Variants in PIK3C2G observed in about 807,000 individuals in gnomAD.
PIK3C2G encodes the protein phosphatidylinositol 3-kinase C2 domain-containing subunit gamma.
In PIK3C2G, 168 loss-of-function variants were observed where a neutral mutation model predicts 181.1. The ratio of observed to expected loss-of-function variants is 0.93; its 90% CI spans 0.82 to 1.05. The LOEUF (loss-of-function observed/expected upper bound fraction) is 1.05. Ranked by LOEUF, PIK3C2G falls within the 50% of genes least tolerant of loss-of-function variation. The pLI is 0.00. For synonymous variants in PIK3C2G, 573 were observed against 592.2 expected, an observed-to-expected ratio of 0.97 and a Z score of 0.47; for missense variants, 1,869 against 1,732.8, an observed-to-expected ratio of 1.08 and a Z score of -1.40.
At chr12:18,656,348 C>T in the PIK3C2G span, among the ~76,000 whole-genome samples, 20 of 152,200 alleles carry the variant, frequency 1.3e-4, no homozygotes, top group East Asian at 3.5e-3. Flanking sequence ...GAGGCTGAGG[C>T]GGGTGGATCA....
chr12:18,344,438 A>C (rs924712990), intron 10 of PIK3C2G, among the ~76,000 whole-genome samples: 5 of 152,158 alleles, frequency 3.3e-5, no homozygotes, highest in African/African-American at 9.6e-5. Flanking sequence ...ACCCTATTCT[A>C]GGTGTTCATA....
At chr12:18,283,710 G>A (rs903960569) in intron 2 of PIK3C2G, among the ~76,000 whole-genome samples, 1 of 152,148 alleles carries the variant, frequency 6.6e-6, no homozygotes, top group Non-Finnish European at 1.5e-5. Flanking sequence ...AAAAGAGGTA[G>A]CACCTCAAAG....
the PIK3C2G span, among the ~76,000 whole-genome samples, chr12:18,711,097 C>T: frequency 1.7e-4 from 26 of 151,838 alleles, no homozygotes; most frequent in African/African-American, 4.8e-4. Context: ...ATGTTTATTG[C>T]GGCACTATTC....
chr12:18,641,540 T>G (rs1241733843), intron 32 of PIK3C2G, among the ~76,000 whole-genome samples: 1 of 152,080 alleles, frequency 6.6e-6, no homozygotes, highest in Non-Finnish European at 1.5e-5. Context: ...TATTTCCATT[T>G]CTCTACCACC....
chr12:18,650,694 G>GTATATATATATATATATA (rs1950427854), downstream of PIK3C2G, among the ~76,000 whole-genome samples: 1 of 38,864 alleles, frequency 2.6e-5, no homozygotes. Flanking sequence ...GTGTGTGTGT[G>GTATATATATATATATATA]TGTGTGTGTG....
At chr12:18,271,049 T>C (rs1948726092) in intron 1 of PIK3C2G, among the ~76,000 whole-genome samples, 2 of 152,172 alleles carry the variant, frequency 1.3e-5, no homozygotes, top group South Asian at 4.1e-4. Flanking sequence ...TCTGTTCTTT[T>C]GTGACACTCT....
intron 25 of PIK3C2G, among the ~76,000 whole-genome samples, chr12:18,540,010 A>T: frequency 6.6e-6 from 1 of 151,718 alleles, no homozygotes; most frequent in Non-Finnish European, 1.5e-5. Flanking sequence ...ACAAACAAAC[A>T]AAAAAACCCT....
chr12:18,394,546 T>C (rs1307512637), intron 15 of PIK3C2G, among the ~76,000 whole-genome samples: 5 of 152,028 alleles, frequency 3.3e-5, no homozygotes, highest in Non-Finnish European at 5.9e-5. Context: ...AATACAGCTA[T>C]TATAAAGATA....
At chr12:18,534,481 A>G (rs1399476970) in intron 24 of PIK3C2G, among the ~76,000 whole-genome samples, 1 of 152,144 alleles carries the variant, frequency 6.6e-6, no homozygotes, top group African/African-American at 2.4e-5. Context: ...CAAAAATGAC[A>G]GAATCGTTAC....
chr12:18,429,734 G>A (rs1316472485), intron 18 of PIK3C2G, among the ~76,000 whole-genome samples: 2 of 152,022 alleles, frequency 1.3e-5, no homozygotes, highest in South Asian at 2.1e-4. Context: ...TGTCTGTAAG[G>A]CCATCAATAT....
At chr12:18,594,779 G>T (rs1052349423) in intron 30 of PIK3C2G, among the ~76,000 whole-genome samples, 4 of 151,930 alleles carry the variant, frequency 2.6e-5, no homozygotes, top group Non-Finnish European at 4.4e-5. Flanking sequence ...CTAGAGGTGT[G>T]GGGCTTTGAT....
downstream of PIK3C2G, among the ~76,000 whole-genome samples, chr12:18,650,188 GTTC>G (rs1950356812): frequency 6.6e-6 from 1 of 151,758 alleles, no homozygotes; most frequent in Non-Finnish European, 1.5e-5. Flanking sequence ...AAATATTAGG[GTTC>G]TTTTCCCCCA....
At chr12:18,602,678 C>T (rs1263567560) in intron 30 of PIK3C2G, among the ~76,000 whole-genome samples, 1 of 152,116 alleles carries the variant, frequency 6.6e-6, no homozygotes, top group Non-Finnish European at 1.5e-5. Context: ...GAGAGACCCA[C>T]AGACAGTTCA....
upstream of PIK3C2G, among the ~76,000 whole-genome samples, chr12:18,244,720 G>A (rs900717112): frequency 6.6e-6 from 1 of 152,060 alleles, no homozygotes; most frequent in African/African-American, 2.4e-5. Context: ...TAACTAAAGG[G>A]AAGATCCAGT....
chr12:18,696,784 T>C, the PIK3C2G span, among the ~76,000 whole-genome samples: 1 of 152,126 alleles, frequency 6.6e-6, no homozygotes, highest in Non-Finnish European at 1.5e-5. Context: ...AGTTGTCCAG[T>C]TCGACTTCCA....
chr12:18,405,639 G>T (rs1944487161), intron 16 of PIK3C2G, among the ~76,000 whole-genome samples: 1 of 152,026 alleles, frequency 6.6e-6, no homozygotes, highest in Admixed American at 6.6e-5. Flanking sequence ...TCTTGAAAAA[G>T]ATTTTCAAAG....
chr12:18,580,177 A>G (rs1224575571), intron 29 of PIK3C2G, among the ~76,000 whole-genome samples: 2 of 152,080 alleles, frequency 1.3e-5, no homozygotes, highest in African/African-American at 2.4e-5. Context: ...ACATGTAATA[A>G]AAGTAATAGC....
rs562319752 is a variant in PIK3C2G at position 18,640,445 on chromosome 12, C to G, written c.4199C>G (p.Ser1400Cys). 9 of 1,610,224 alleles carry G rather than the reference C, an allele frequency of 5.6e-6. No homozygotes were observed. Among genetic ancestry groups the G allele is most frequent in the Non-Finnish European group, 7.6e-6 (9 of 1,177,912 alleles). The change falls in exon 32 of 33, where the codon TCT (serine) becomes TGT (cysteine). Residue 1400 changes from serine to cysteine, a missense_variant. Ser to Cys is a moderately radical substitution (Grantham distance 112, BLOSUM62 -1). Transcript: ENST00000538779. Reference sequence around the variant, plus strand: ...CCTTTGCAGCATCTCCCAGATGGCTCTGCGCCCAGTGCACATGTTGAATTT... The same window carrying G: ...CCTTTGCAGCATCTCCCAGATGGCTGTGCGCCCAGTGCACATGTTGAATTT... Reference protein sequence around the residue: ...HMKNIHLPDGSAPSAHVEFYL... With the variant: ...HMKNIHLPDGCAPSAHVEFYL...
At chr12:18,278,691 A>C (rs1416700942) in intron 1 of PIK3C2G, among the ~76,000 whole-genome samples, 1 of 152,122 alleles carries the variant, frequency 6.6e-6, no homozygotes, top group African/African-American at 2.4e-5. Context: ...TTCTGTTTCA[A>C]AGTCGAAGTG....
Sources: gnomAD v4.1 joint callset for allele counts (sites outside exome capture counted in the v4.1 genomes callset) on GRCh38, gnomAD v4.1.1 for gene constraint, MANE v1.5 for transcripts, NCBI Gene and HGNC (gene_info 2026-07-23, HGNC 2026-07-21) for gene names.